Variants in INSR observed in about 807,000 individuals in gnomAD.
The protein encoded by INSR is insulin receptor, also known as IR.
In INSR, 67 loss-of-function variants were observed where a neutral mutation model predicts 142.6. The ratio of observed to expected loss-of-function variants is 0.47; its 90% CI spans 0.39 to 0.58. The LOEUF is 0.58. Among genes scored for constraint, INSR ranks in the 20% least tolerant of loss-of-function variants. INSR has a pLI of 0.00. For missense variants in INSR, 1,248 were observed against 1,833.2 expected, an observed-to-expected ratio of 0.68 and a Z score of 5.83; for synonymous variants, 756 against 743.1, an observed-to-expected ratio of 1.02 and a Z score of -0.28.
At chr19:7,197,087 G>T (rs1011527271) in intron 2 of INSR, among the ~76,000 whole-genome samples, 2 of 152,234 alleles carry the variant, frequency 1.3e-5, no homozygotes, top group Non-Finnish European at 2.9e-5. Flanking sequence ...AGCCAAGGAG[G>T]TGAACTTTTG....
chr19:7,258,551 A>G lies in INSR; in HGVS notation c.652+8794T>C, dbSNP rs542275802. 2.7e-5 allele frequency among the ~76,000 whole-genome samples: 4 copies of G among 149,810 alleles called. No individual in the cohort carries two copies. The South Asian group carries it at 8.4e-4, about 31-fold the overall frequency. ...CGTCAGACAAGTCTGAAGTCAAACC[A>G]TTCCCCAGCTAGGTCTCCTAGAGCA... On this transcript the variant is annotated intron_variant, in intron 2 of 21. Transcript: ENST00000302850.
chr19:7,190,172 T>C (rs1974539913), intron 2 of INSR, among the ~76,000 whole-genome samples: 1 of 151,426 alleles, frequency 6.6e-6, no homozygotes, highest in Non-Finnish European at 1.5e-5. Flanking sequence ...CAGAGTGAGA[T>C]CCTATCTCTC....
chr19:7,259,397 G>A (rs977912503), intron 2 of INSR, among the ~76,000 whole-genome samples: 2 of 152,046 alleles, frequency 1.3e-5, no homozygotes, highest in Admixed American at 6.6e-5. Context: ...TTAACCTCTC[G>A]AAGCCTTAGT....
intron 2 of INSR, among the ~76,000 whole-genome samples, chr19:7,226,641 T>C (rs1001176569): frequency 4.7e-5 from 7 of 149,982 alleles, no homozygotes; most frequent in African/African-American, 1.7e-4. Context: ...AGTGGGAGGA[T>C]TGCTTGAGCC....
At chr19:7,249,297 C>G (rs890426157) in intron 2 of INSR, among the ~76,000 whole-genome samples, 3 of 152,092 alleles carry the variant, frequency 2.0e-5, no homozygotes, top group Non-Finnish European at 2.9e-5. Flanking sequence ...TAAGGTAAAC[C>G]TCTTGCTTTT....
At chr19:7,144,945 GT>G (rs879682474) in intron 11 of INSR, among the ~76,000 whole-genome samples, 145 of 147,332 alleles carry the variant, frequency 9.8e-4, no homozygotes, top group South Asian at 3.0e-3. Context: ...AGCCTTAATA[GT>G]TTTTTTTTTT....
intron 2 of INSR, among the ~76,000 whole-genome samples, chr19:7,263,827 C>A (rs1977139265): frequency 6.6e-6 from 1 of 152,070 alleles, no homozygotes; most frequent in Non-Finnish European, 1.5e-5. Context: ...AATTTGAGAC[C>A]AGCCTGACCA....
chr19:7,212,097 G>C (rs1029854869), intron 2 of INSR, among the ~76,000 whole-genome samples: 6 of 141,542 alleles, frequency 4.2e-5, no homozygotes, highest in African/African-American at 1.3e-4. Context: ...AGTATCCCTG[G>C]CCTCCACCCA....
intron 2 of INSR, among the ~76,000 whole-genome samples, chr19:7,189,113 G>A (rs182838385): frequency 9.2e-4 from 140 of 152,194 alleles, no homozygotes; most frequent in African/African-American, 3.2e-3. Flanking sequence ...ATTGAAGGAA[G>A]CAATATACAA....
chr19:7,182,448 G>C (rs111871251), intron 3 of INSR, among the ~76,000 whole-genome samples: 1 of 152,168 alleles, frequency 6.6e-6, no homozygotes, highest in Non-Finnish European at 1.5e-5. Context: ...GGAAGGCAGA[G>C]GTTGCAGTGA....
chr19:7,183,291 TG>T (rs1974323189), intron 3 of INSR, among the ~76,000 whole-genome samples: 1 of 151,876 alleles, frequency 6.6e-6, no homozygotes, highest in Non-Finnish European at 1.5e-5. Flanking sequence ...TGTGTGTGTG[TG>T]TGTGTGTTTT....
intron 5 of INSR, among the ~76,000 whole-genome samples, chr19:7,171,291 T>C (rs182437430): frequency 2.0e-5 from 3 of 152,262 alleles, no homozygotes; most frequent in Admixed American, 1.3e-4. Context: ...ACAGATAATA[T>C]AGTCTAAACT....
At chr19:7,265,121 G>C (rs1967681304) in intron 2 of INSR, among the ~76,000 whole-genome samples, 1 of 152,160 alleles carries the variant, frequency 6.6e-6, no homozygotes, top group Non-Finnish European at 1.5e-5. Context: ...GTTCTTCCCA[G>C]GGAAATGTGA....
intron 3 of INSR, among the ~76,000 whole-genome samples, chr19:7,176,120 G>A (rs1974129676): frequency 2.6e-5 from 4 of 152,116 alleles, no homozygotes; most frequent in South Asian, 2.1e-4. Context: ...TAGCATTATC[G>A]TGGCGATATG....
chr19:7,280,874 G>A (rs1013435727), intron 1 of INSR, among the ~76,000 whole-genome samples: 2 of 152,006 alleles, frequency 1.3e-5, no homozygotes, highest in South Asian at 2.1e-4. Flanking sequence ...CTCCAGCCTG[G>A]GTGACAGAGC....
At chr19:7,259,818 CAA>C (rs10532581) in intron 2 of INSR, among the ~76,000 whole-genome samples, 41,260 of 134,530 alleles carry the variant, frequency 0.31, 6,184 homozygotes, top group Non-Finnish European at 0.38. Flanking sequence ...GACTCTGTCT[CAA>C]AAAAAAAAAA....
chr19:7,199,117 G>C (rs977017615), intron 2 of INSR, among the ~76,000 whole-genome samples: 4 of 152,102 alleles, frequency 2.6e-5, no homozygotes, highest in African/African-American at 9.7e-5. Flanking sequence ...CTGGCCTCAA[G>C]TGATCCTCTT....
At chr19:7,243,234 G>GTTT (rs1161289283) in intron 2 of INSR, among the ~76,000 whole-genome samples, 1,450 of 68,238 alleles carry the variant, frequency 0.021, 243 homozygotes, top group South Asian at 0.035. Context: ...CACTGTTTTG[G>GTTT]TTTTTTTTTT....
intron 2 of INSR, among the ~76,000 whole-genome samples, chr19:7,230,435 C>G (rs1975934115): frequency 6.6e-6 from 1 of 152,162 alleles, no homozygotes; most frequent in African/African-American, 2.4e-5. Context: ...ACAGTGTCCA[C>G]CTGGTGAGGT....
Sources: gnomAD v4.1 joint callset for allele counts (sites outside exome capture counted in the v4.1 genomes callset) on GRCh38, gnomAD v4.1.1 for gene constraint, MANE v1.5 for transcripts, NCBI Gene and HGNC (gene_info 2026-07-23, HGNC 2026-07-21) for gene names.